ABCA4: variants seen among roughly 807,000 people sequenced by gnomAD.
ABCA4 encodes retinal-specific phospholipid-transporting ATPase ABCA4.
ABCA4 carries 196 observed loss-of-function variants against 263.7 expected under a neutral mutation model. The ratio of observed to expected loss-of-function variants is 0.74; its 90% CI spans 0.66 to 0.84. ABCA4 has a LOEUF of 0.84. ABCA4 is among the 40% of genes least tolerant of loss of function. ABCA4 has a pLI of 0.00. For missense variants in ABCA4, 2,792 were observed against 2,855.1 expected (o/e 0.98, Z 0.50); for synonymous variants, 1,133 against 1,094.2 (o/e 1.04, Z -0.70).
intron 19 of ABCA4, chr1:94,045,612 C>T (rs76388978): frequency 0.014 from 5,607 of 390,798 alleles, 151 homozygotes; most frequent in African/African-American, 0.06. Flanking sequence ...TGCAGGGCCG[C>T]CACACCCAGC....
chr1:94,120,922 T>A, intron 1 of ABCA4, 58 bp downstream of exon 1: 537 of 401,748 alleles, frequency 1.3e-3, no homozygotes, highest in Non-Finnish European at 2.1e-3. Flanking sequence ...CACCCCACAC[T>A]TCCAACCTGT....
chr1:94,107,801 T>G (rs1662483039), intron 4 of ABCA4, among the ~76,000 whole-genome samples: 1 of 152,220 alleles, frequency 6.6e-6, no homozygotes, highest in African/African-American at 2.4e-5. Context: ...TGAATTCACA[T>G]ATTTCACTTT....
intron 11 of ABCA4, among the ~76,000 whole-genome samples, chr1:94,068,785 C>T (rs1661337389): frequency 6.6e-6 from 1 of 152,182 alleles, no homozygotes; most frequent in Non-Finnish European, 1.5e-5. Context: ...CCTAGCACCA[C>T]TAGTGGGAAA....
intron 36 of ABCA4, chr1:94,019,289 G>C (rs1004485978): frequency 3.0e-6 from 1 of 335,136 alleles, no homozygotes; most frequent in African/African-American, 2.1e-5. Flanking sequence ...TCATGCCTGC[G>C]GTGCAGTGAT....
rs565006645 is a variant in ABCA4, at chr1:94,097,894, C to T, written c.768+900G>A. ...CCTCCTCAGTAGCTGGGATTACAGG[C>T]GCCCGCCACCACACCTGGCTAATTT... On this transcript the variant is annotated intron_variant, in intron 6 of 49. Coordinates refer to ENST00000370225, the MANE Select transcript of ABCA4 (RefSeq NM_000350.3). Among the ~76,000 whole-genome samples, 13 of 152,292 alleles carry T rather than the reference C, an allele frequency of 8.5e-5. No homozygotes were observed. In the South Asian group the frequency reaches 2.1e-3, roughly 24 times the overall value.
Position 93,997,857 on chromosome 1 carries a change from T to C in ABCA4, c.6729+4A>G, listed in dbSNP as rs1659050913. 2 of 1,613,960 alleles carry C rather than the reference T, an allele frequency of 1.2e-6. No homozygotes were observed. Among genetic ancestry groups the C allele is most frequent in the Non-Finnish European group, 1.7e-6 (2 of 1,179,980 alleles). On this transcript the variant is annotated splice_donor_region_variant and intron_variant, in intron 48 of 49. Transcript: ENST00000370225. ...CAGCTCTCGGTGCCCCAGGGCCAACTTGCCTGGTCCAGTGTGGTCTGTGTG... is the reference window on the plus strand; with the variant it reads ...CAGCTCTCGGTGCCCCAGGGCCAACCTGCCTGGTCCAGTGTGGTCTGTGTG...
intron 42 of ABCA4, 29 bp from the exon 43 acceptor site, chr1:94,007,769 C>T (rs1180093568): frequency 6.3e-7 from 1 of 1,592,684 alleles, no homozygotes. Context: ...CTAGCCTGGC[C>T]CTAGAGATCA....
At chr1:94,050,516 G>T (rs939081572) in intron 17 of ABCA4, among the ~76,000 whole-genome samples, 1 of 152,140 alleles carries the variant, frequency 6.6e-6, no homozygotes, top group Non-Finnish European at 1.5e-5. Flanking sequence ...CCTTCCGTTG[G>T]CAAACATATT....
chr1:94,044,850 T>TC, intron 19 of ABCA4, 106 bp from the exon 20 acceptor site: 1 of 1,569,504 alleles, frequency 6.4e-7, no homozygotes, highest in Non-Finnish European at 8.7e-7. Context: ...GATTCCTGCC[T>TC]GGGGCTGTCA....
intron 26 of ABCA4, 63 bp from the exon 27 acceptor site, chr1:94,032,106 ATT>A: frequency 8.2e-6 from 12 of 1,457,894 alleles, no homozygotes; most frequent in Non-Finnish European, 1.1e-5. Flanking sequence ...CTCTAATGCC[ATT>A]TTTTTTTTCC....
intron 7 of ABCA4, among the ~76,000 whole-genome samples, chr1:94,082,723 G>GC (rs1245028074): frequency 6.6e-6 from 1 of 152,122 alleles, no homozygotes; most frequent in Non-Finnish European, 1.5e-5. Flanking sequence ...GAAGAGAATT[G>GC]TTTTTTTCCC....
intron 7 of ABCA4, 29 bp downstream of exon 7, chr1:94,083,323 A>G: frequency 6.6e-7 from 1 of 1,518,866 alleles, no homozygotes; most frequent in Non-Finnish European, 9.1e-7. Context: ...ACATAATGAA[A>G]TTATAATTAC....
chr1:94,074,744 G>A (rs1661494043), intron 11 of ABCA4, among the ~76,000 whole-genome samples: 1 of 152,226 alleles, frequency 6.6e-6, no homozygotes, highest in South Asian at 2.1e-4. Flanking sequence ...ATGTAAATTA[G>A]TTCAACCATT....
rs1659516256 is a variant in ABCA4, at chr1:94,010,580, T to C, written c.5714+220A>G. The C allele has an allele frequency of 8.7e-6, 6 of 693,176 alleles. No homozygotes were observed. In the East Asian group the frequency reaches 1.7e-4, roughly 19 times the overall value. The allele number at this position is 693,176 out of a possible 1,614,324, so 42.9% of individuals were successfully genotyped here. On this transcript the variant is annotated intron_variant, in intron 40 of 49. Coordinates refer to ENST00000370225, the MANE Select transcript of ABCA4 (RefSeq NM_000350.3). Reference sequence around the variant, plus strand: ...TATCAGCAATTGAAATTAATAGCACTGCATTTTAAATATTTTAAAGTGGAT... The same window carrying C: ...TATCAGCAATTGAAATTAATAGCACCGCATTTTAAATATTTTAAAGTGGAT...
intron 16 of ABCA4, among the ~76,000 whole-genome samples, chr1:94,053,182 C>A (rs1660885062): frequency 6.6e-6 from 1 of 152,214 alleles, no homozygotes; most frequent in African/African-American, 2.4e-5. Context: ...AGTTCCTGAG[C>A]TGCATCCTTC....
In ABCA4 at chr1:94,046,798, G is replaced by T. The variant is rs1451099631; in HGVS notation, c.2918+121C>A. On this transcript the variant is annotated intron_variant, in intron 19 of 49. Coordinates refer to ENST00000370225, the MANE Select transcript of ABCA4 (RefSeq NM_000350.3). The stretch of plus-strand genomic sequence containing the variant: ...CTGCAGAAAGCTTTTACACATTTTT[G>T]GGGCCGCAAATATTTGTCACTAAAA... 8.8e-6 allele frequency: 11 copies of T among 1,245,898 alleles called. No individual in the cohort carries two copies. The African/African-American group carries it at 1.5e-4, about 17-fold the overall frequency. The allele number at this position is 1,245,898 out of a possible 1,614,324, so 77.2% of individuals were successfully genotyped here.
At position 94,046,123 on chromosome 1, in the gene ABCA4, G is replaced by C. The variant is rs72958489; in HGVS notation, c.2918+796C>G. Among the ~76,000 whole-genome samples, 729 of 151,918 alleles carry C rather than the reference G, an allele frequency of 4.8e-3. 9 individuals carry two copies. The highest frequency in any genetic ancestry group is 0.017 in the African/African-American group (696 of 41,416). On this transcript the variant is annotated intron_variant, in intron 19 of 49. Coordinates refer to ENST00000370225, the MANE Select transcript of ABCA4 (RefSeq NM_000350.3). ...TGATGTTGAAGCCTGCCTAATGATT[G>C]GTAGGAAAAGGAATGTTCCTTGAAA... is the stretch of plus-strand genomic sequence containing the variant.
intron 11 of ABCA4, among the ~76,000 whole-genome samples, chr1:94,069,114 C>T (rs377332061): frequency 2.6e-5 from 4 of 152,186 alleles, no homozygotes; most frequent in Non-Finnish European, 4.4e-5. Flanking sequence ...CCCTCTCCAG[C>T]GCAGGCAGCT....
chr1:94,005,238 A>AT (rs1293938302), intron 44 of ABCA4: 179 of 612,634 alleles, frequency 2.9e-4, no homozygotes, highest in East Asian at 5.5e-4. Context: ...GAGAGTGGGG[A>AT]TTTTTTTTTG....
Sources: allele counts gnomAD v4.1 joint callset (sites outside exome capture counted in the v4.1 genomes callset), GRCh38; gene constraint gnomAD v4.1.1; transcripts MANE v1.5; gene names NCBI Gene and HGNC (gene_info 2026-07-23, HGNC 2026-07-21).